WDFY2: variants seen among roughly 807,000 people sequenced by gnomAD.
WDFY2 encodes WD repeat and FYVE domain-containing protein 2.
A neutral mutation model predicts 56.4 loss-of-function variants in WDFY2; 36 were observed. That is an observed-to-expected ratio of 0.64 (90% CI 0.49 to 0.84). The LOEUF is 0.84. Ranked by LOEUF, WDFY2 falls within the 40% of genes least tolerant of loss-of-function variation. The pLI is 0.00. For missense variants in WDFY2, 444 were observed against 512.2 expected, an observed-to-expected ratio of 0.87 and a Z score of 1.29; for synonymous variants, 176 against 183.7, an observed-to-expected ratio of 0.96 and a Z score of 0.34.
At chr13:51,666,216 C>T (rs1280978201) in intron 2 of WDFY2, among the ~76,000 whole-genome samples, 1 of 152,164 alleles carries the variant, frequency 6.6e-6, no homozygotes, top group Non-Finnish European at 1.5e-5. Context: ...TGGAGTTTTC[C>T]CACTTGTGTT....
chr13:51,712,842 A>G (rs560590852), intron 4 of WDFY2, among the ~76,000 whole-genome samples: 1 of 152,288 alleles, frequency 6.6e-6, no homozygotes, highest in East Asian at 1.9e-4. Context: ...ATGTAATATT[A>G]TGAACAACTT....
intron 11 of WDFY2, 146 bp downstream of exon 11, chr13:51,758,446 G>T: frequency 2.2e-6 from 1 of 464,910 alleles, no homozygotes; most frequent in Non-Finnish European, 3.9e-6. Flanking sequence ...AGCTACTCAG[G>T]AGATTTAGGA....
intron 4 of WDFY2, among the ~76,000 whole-genome samples, chr13:51,713,540 G>A (rs1387610247): frequency 6.6e-6 from 1 of 152,176 alleles, no homozygotes; most frequent in Non-Finnish European, 1.5e-5. Context: ...ACATGCAAAT[G>A]AACCTTGAAG....
At chr13:51,650,223 A>G (rs1170519255) in intron 1 of WDFY2, among the ~76,000 whole-genome samples, 2 of 151,964 alleles carry the variant, frequency 1.3e-5, no homozygotes, top group African/African-American at 2.4e-5. Flanking sequence ...TTTGTCTGTT[A>G]TTGGTGTATA....
intron 1 of WDFY2, among the ~76,000 whole-genome samples, chr13:51,628,915 C>G (rs886418804): frequency 6.6e-6 from 1 of 152,182 alleles, no homozygotes; most frequent in Non-Finnish European, 1.5e-5. Flanking sequence ...TATTTGTATG[C>G]TCTGTGGGAC....
chr13:51,716,071 C>T (rs1481301102), intron 4 of WDFY2, among the ~76,000 whole-genome samples: 1 of 152,086 alleles, frequency 6.6e-6, no homozygotes, highest in Non-Finnish European at 1.5e-5. Context: ...GTACATGCTA[C>T]AAAATGGTTG....
At chr13:51,706,589 G>A (rs1048514569) in intron 4 of WDFY2, among the ~76,000 whole-genome samples, 2 of 152,080 alleles carry the variant, frequency 1.3e-5, no homozygotes, top group Admixed American at 6.5e-5. Context: ...ATTTTACCTC[G>A]ATAAATCAAA....
intron 1 of WDFY2, chr13:51,598,557 T>C (rs1954200849): frequency 6.6e-6 from 1 of 152,174 alleles, no homozygotes; most frequent in South Asian, 2.1e-4. Context: ...CTACCTTCTC[T>C]TCCTGAATAT....
In WDFY2 at chr13:51,694,928, C is replaced by A. The variant is rs1421396275; in HGVS notation, c.280-8668C>A. 2.2e-3 allele frequency among the ~76,000 whole-genome samples: 339 copies of A among 151,474 alleles called. 2 individuals are homozygous for A. Among genetic ancestry groups the A allele is most frequent in the African/African-American group, 6.3e-3 (258 of 40,944 alleles). ...ACTTCCCTTCTCACTTCATTTCATT[C>A]ATTTGATCTTCCATCACTGATACCC... On this transcript the variant is annotated intron_variant, in intron 3 of 11. Transcript: ENST00000298125.
At chr13:51,660,044 A>G (rs963862530) in intron 1 of WDFY2, among the ~76,000 whole-genome samples, 1 of 152,230 alleles carries the variant, frequency 6.6e-6, no homozygotes, top group Non-Finnish European at 1.5e-5. Context: ...ATGATTACAC[A>G]TGTGTGGCAT....
chr13:51,726,771 G>C lies in WDFY2; in HGVS notation c.486-907G>C, dbSNP rs530262173. ...AACTCTTTTTTCACAGCACCATTTT[G>C]ATTTCTTCTTGAACTATCTATTAAT... On this transcript the variant is annotated intron_variant, in intron 5 of 11. Coordinates refer to ENST00000298125, the MANE Select transcript of WDFY2 (RefSeq NM_052950.4). 2.0e-5 allele frequency among the ~76,000 whole-genome samples: 3 copies of C among 152,098 alleles called. No individual in the cohort carries two copies. In the East Asian group the frequency reaches 5.8e-4, roughly 29 times the overall value.
chr13:51,708,123 C>T (rs1302297032), intron 4 of WDFY2, among the ~76,000 whole-genome samples: 1 of 151,174 alleles, frequency 6.6e-6, no homozygotes, highest in African/African-American at 2.4e-5. Context: ...TATTTGCGAT[C>T]CACCTGCCTT....
At chr13:51,586,151 GA>G (rs2138275277) in intron 1 of WDFY2, 1 of 398,314 alleles carries the variant, frequency 2.5e-6, no homozygotes, top group South Asian at 1.3e-4. Flanking sequence ...AGCCTTATGA[GA>G]AAGTTTGATT....
intron 10 of WDFY2, among the ~76,000 whole-genome samples, chr13:51,757,636 TAA>T (rs879596530): frequency 2.1e-5 from 3 of 142,650 alleles, no homozygotes; most frequent in Non-Finnish European, 3.1e-5. Flanking sequence ...TCTTCTTACT[TAA>T]AAAAAAAAAA....
chr13:51,672,317 C>T (rs1489997569), intron 2 of WDFY2, among the ~76,000 whole-genome samples: 1 of 152,072 alleles, frequency 6.6e-6, no homozygotes, highest in African/African-American at 2.4e-5. Context: ...CCTTTTTCCA[C>T]TTTATGTTTT....
chr13:51,636,021 G>A (rs964300352), intron 1 of WDFY2, among the ~76,000 whole-genome samples: 3 of 152,082 alleles, frequency 2.0e-5, no homozygotes, highest in African/African-American at 7.2e-5. Flanking sequence ...TTAATGGAAG[G>A]AATGCCCACC....
chr13:51,624,389 TTGTG>T (rs1954801166), intron 1 of WDFY2, among the ~76,000 whole-genome samples: 3 of 152,228 alleles, frequency 2.0e-5, no homozygotes, highest in Non-Finnish European at 4.4e-5. Context: ...GGCAAGAGTC[TTGTG>T]TGTTGAGTTC....
chr13:51,660,545 C>A, intron 1 of WDFY2, 51 bp from the exon 2 acceptor site: 1 of 1,564,014 alleles, frequency 6.4e-7, no homozygotes, highest in Non-Finnish European at 8.8e-7. Flanking sequence ...TCAGCATTTT[C>A]CCATGGCTAA....
chr13:51,635,195 C>T (rs1190990575), intron 1 of WDFY2, among the ~76,000 whole-genome samples: 2 of 152,132 alleles, frequency 1.3e-5, no homozygotes, highest in African/African-American at 4.8e-5. Context: ...CTGCCCATCT[C>T]GGCCTCCCAA....
Sources: allele counts gnomAD v4.1 joint callset (sites outside exome capture counted in the v4.1 genomes callset), GRCh38; gene constraint gnomAD v4.1.1; transcripts MANE v1.5; gene names NCBI Gene and HGNC (gene_info 2026-07-23, HGNC 2026-07-21).